Variants in ZNF765 observed in about 807,000 individuals in gnomAD.
ZNF765 encodes the protein zinc finger protein 765.
A neutral mutation model predicts 44.7 loss-of-function variants in ZNF765; 37 were observed. That is an observed-to-expected ratio of 0.83 (90% CI 0.64 to 1.09). The LOEUF (loss-of-function observed/expected upper bound fraction) is 1.09, where lower values mean the gene tolerates loss of function less well. ZNF765 is among the 50% of genes least tolerant of loss of function. ZNF765 has a pLI of 0.00. For synonymous variants in ZNF765, 201 were observed against 213.7 expected (o/e 0.94, Z 0.52); for missense variants, 594 against 626.1 (o/e 0.95, Z 0.55).
intron 2 of ZNF765, among the ~76,000 whole-genome samples, chr19:53,400,763 C>CATACATATATATAT (rs374774697): frequency 2.6e-5 from 3 of 116,792 alleles, no homozygotes; most frequent in Non-Finnish European, 5.2e-5. Flanking sequence ...TATTTGTTGA[C>CATACATATATATAT]ATATATATAT....
intron 2 of ZNF765, among the ~76,000 whole-genome samples, chr19:53,401,427 G>T (rs951312202): frequency 6.6e-6 from 1 of 152,082 alleles, no homozygotes; most frequent in Non-Finnish European, 1.5e-5. Flanking sequence ...GCTGGGCGTG[G>T]TGGTGGGCGC....
At chr19:53,422,869 A>C (rs1210544026) in intron 3 of ZNF765, among the ~76,000 whole-genome samples, 15 of 152,194 alleles carry the variant, frequency 9.9e-5, no homozygotes, top group South Asian at 6.2e-4. Flanking sequence ...GGGAATTTCT[A>C]TCTTATTTAC....
intron 2 of ZNF765, among the ~76,000 whole-genome samples, chr19:53,401,407 C>G (rs2085724244): frequency 6.6e-6 from 1 of 151,784 alleles, no homozygotes; most frequent in African/African-American, 2.4e-5. Flanking sequence ...ACTAAAAATA[C>G]AAAAAATTAG....
chr19:53,408,559 C>A lies in ZNF765; in HGVS notation c.1004C>A (p.Thr335Asn), dbSNP rs761790562. 8 of 1,611,908 alleles carry A rather than the reference C, an allele frequency of 5.0e-6. No individual in the cohort carries two copies. The South Asian group carries it at 6.6e-5, about 13-fold the overall frequency. ...TACAAGTGTAATGAGTGTGGCAAGA[C>A]CTTTAGTCAGAAGTCGTACCTTACA... ...KPYKCNECGK[T>N]FSQKSYLTCH... The change falls in exon 4 of 4, where the codon ACC (threonine) becomes AAC (asparagine). Residue 335 changes from threonine (T) to asparagine (N), a missense_variant. Physicochemically the swap from Thr to Asn is moderately conservative, Grantham distance 65. Coordinates refer to ENST00000396408, the MANE Select transcript of ZNF765 (RefSeq NM_001040185.3).
At chr19:53,397,857 A>G (rs891082065) in intron 1 of ZNF765, 86 bp from the exon 2 acceptor site, 21 of 1,303,640 alleles carry the variant, frequency 1.6e-5, no homozygotes, top group Non-Finnish European at 2.2e-5. Flanking sequence ...TGTCCTCAGG[A>G]TGAGGTCTCC....
At chr19:53,412,322 C>T (rs1158327051), downstream of ZNF765, among the ~76,000 whole-genome samples, 1 of 152,180 alleles carries the variant, frequency 6.6e-6, no homozygotes, top group Non-Finnish European at 1.5e-5. Context: ...TGGCATATCA[C>T]ATTGATTTGC....
chr19:53,406,026 AATTTTTT>A (rs1453125089), intron 3 of ZNF765, among the ~76,000 whole-genome samples: 1 of 38,816 alleles, frequency 2.6e-5, no homozygotes, highest in Non-Finnish European at 6.2e-5. Flanking sequence ...ACCGTTAGTC[AATTTTTT>A]TTTTTTTTTT....
chr19:53,405,903 CTATATATATATA>C (rs10675178), intron 3 of ZNF765, among the ~76,000 whole-genome samples: 520 of 49,130 alleles, frequency 0.011, 10 homozygotes, highest in Middle Eastern at 0.02. Flanking sequence ...TTAATACCAA[CTATATATATATA>C]TATATATATA....
intron 3 of ZNF765, among the ~76,000 whole-genome samples, chr19:53,403,722 A>G (rs1303551490): frequency 6.6e-6 from 1 of 152,158 alleles, no homozygotes; most frequent in African/African-American, 2.4e-5. Flanking sequence ...GGGCGCCTGT[A>G]ATCCTGCTAC....
At chr19:53,414,259 C>A (rs1488483442), downstream of ZNF765, among the ~76,000 whole-genome samples, 59 of 60,086 alleles carry the variant, frequency 9.8e-4, 4 homozygotes, top group South Asian at 3.0e-3. Context: ...AAAAAAGAAA[C>A]TTGCAGCAAA....
downstream of ZNF765, among the ~76,000 whole-genome samples, chr19:53,416,392 C>T (rs993456957): frequency 3.7e-4 from 57 of 152,116 alleles, no homozygotes; most frequent in Middle Eastern, 6.8e-3. Context: ...GCCGACAGAG[C>T]GAAACTCAGT....
At chr19:53,396,373 G>A (rs1007713892) in intron 1 of ZNF765, among the ~76,000 whole-genome samples, 44 of 152,294 alleles carry the variant, frequency 2.9e-4, no homozygotes, top group African/African-American at 4.6e-4. Flanking sequence ...TTTAAGGTAC[G>A]CACCGGCTCA....
downstream of ZNF765, among the ~76,000 whole-genome samples, chr19:53,413,930 C>CAAAAAAA (rs386389261): frequency 7.4e-4 from 59 of 79,774 alleles, 1 homozygote; most frequent in Non-Finnish European, 1.1e-3. Flanking sequence ...GCTAGAAAGA[C>CAAAAAAA]AAAAAAAAAA....
chr19:53,419,303 A>G (rs2085893744), intron 3 of ZNF765, among the ~76,000 whole-genome samples: 2 of 152,214 alleles, frequency 1.3e-5, no homozygotes, highest in African/African-American at 2.4e-5. Context: ...GGATAAATCT[A>G]CAAGAATTAC....
At chr19:53,403,877 C>T (rs1306868627) in intron 3 of ZNF765, among the ~76,000 whole-genome samples, 1 of 151,644 alleles carries the variant, frequency 6.6e-6, no homozygotes, top group East Asian at 1.9e-4. Flanking sequence ...AATTCCATAA[C>T]CTGCAAAAGC....
In ZNF765 at chr19:53,400,783, T is replaced by TATATATATATATACAC. The variant is rs10664389; in HGVS notation, c.16-1281_16-1280insTATATATATATACACA. The stretch of plus-strand genomic sequence containing the variant: ...GTTGACATATATATATATATATATA[T>TATATATATATATACAC]ACACACATACATAAAATGGATTTTC... On this transcript the variant is annotated intron_variant, in intron 2 of 3. Coordinates refer to ENST00000396408, the MANE Select transcript of ZNF765 (RefSeq NM_001040185.3). 5.1e-3 allele frequency among the ~76,000 whole-genome samples: 650 copies of TATATATATATATACAC among 126,728 alleles called. 4 individuals are homozygous for TATATATATATATACAC. The highest frequency in any genetic ancestry group is 7.1e-3 in the African/African-American group (242 of 33,866). The allele number at this position is 126,728 out of a possible 152,430, so 83.1% of individuals were successfully genotyped here.
At chr19:53,414,479 ACACACACACACCCCCCCCCCCCC>A (rs2085860817), downstream of ZNF765, among the ~76,000 whole-genome samples, 3 of 1,676 alleles carry the variant, frequency 1.8e-3, 1 homozygote, top group African/African-American at 5.4e-3. Flanking sequence ...ACACACACAC[ACACACACACACCCCCCCCCCCCC>A]CCCCCCCGGG....
intron 2 of ZNF765, among the ~76,000 whole-genome samples, chr19:53,398,847 T>G (rs1420096006): frequency 1.3e-5 from 2 of 152,132 alleles, no homozygotes; most frequent in African/African-American, 4.8e-5. Context: ...CCTTCCGGGT[T>G]CAAGTGATTC....
intron 3 of ZNF765, among the ~76,000 whole-genome samples, chr19:53,419,318 T>A (rs1179503245): frequency 6.6e-6 from 1 of 152,204 alleles, no homozygotes; most frequent in Non-Finnish European, 1.5e-5. Flanking sequence ...AATTACCTAA[T>A]TCTGTGCAGA....
Sources: gnomAD v4.1 joint callset for allele counts (sites outside exome capture counted in the v4.1 genomes callset) on GRCh38, gnomAD v4.1.1 for gene constraint, MANE v1.5 for transcripts, NCBI Gene and HGNC (gene_info 2026-07-23, HGNC 2026-07-21) for gene names.